The following ZDHHC14 variants were observed in gnomAD, a reference collection of about 807,000 sequenced individuals.
ZDHHC14 encodes zDHHC palmitoyltransferase 14, also known as palmitoyltransferase ZDHHC14.
In ZDHHC14, 16 loss-of-function variants were observed where a neutral mutation model predicts 47.7. That is an observed-to-expected ratio of 0.34 (90% CI 0.23 to 0.51). The LOEUF is 0.51. ZDHHC14 is among the 20% of genes least tolerant of loss of function. The pLI is 0.97. For synonymous variants in ZDHHC14, 293 were observed against 278.9 expected (o/e 1.05, Z -0.50); for missense variants, 515 against 662.5 (o/e 0.78, Z 2.44).
chr6:157,477,918 C>T (rs111465608), intron 1 of ZDHHC14, among the ~76,000 whole-genome samples: 9 of 152,250 alleles, frequency 5.9e-5, no homozygotes, highest in African/African-American at 2.2e-4. Flanking sequence ...GTATGAACGA[C>T]GTTAACTTTC....
intron 1 of ZDHHC14, among the ~76,000 whole-genome samples, chr6:157,418,080 A>G (rs1451375971): frequency 6.6e-6 from 1 of 152,196 alleles, no homozygotes; most frequent in Non-Finnish European, 1.5e-5. Flanking sequence ...ACATGGTCCC[A>G]GGATGGCTGC....
chr6:157,460,405 G>GAA (rs1164382844), intron 1 of ZDHHC14, among the ~76,000 whole-genome samples: 639 of 43,386 alleles, frequency 0.015, 69 homozygotes, highest in East Asian at 0.073. Context: ...TCTCTCTCTG[G>GAA]AAAAAAAAAA....
intron 7 of ZDHHC14, among the ~76,000 whole-genome samples, chr6:157,648,248 C>T (rs1389167009): frequency 6.6e-6 from 1 of 152,108 alleles, no homozygotes; most frequent in Non-Finnish European, 1.5e-5. Context: ...AATGAGTTTC[C>T]AAGTTATTAC....
chr6:157,677,414 C>G lies in ZDHHC14; in HGVS notation c.*4292C>G, dbSNP rs1309203388. On this transcript the variant is annotated 3_prime_UTR_variant, in exon 9 of 9. Coordinates refer to ENST00000359775, the MANE Select transcript of ZDHHC14 (RefSeq NM_024630.3). ...ATCAGTAAATCCTCTGTCCATCTGCCCATTGTCCATGGTCCTGATAATAGA... is the reference window on the plus strand; with the variant it reads ...ATCAGTAAATCCTCTGTCCATCTGCGCATTGTCCATGGTCCTGATAATAGA... 1 of 151,806 alleles carries G rather than the reference C, an allele frequency of 6.6e-6. No homozygotes were observed. Among genetic ancestry groups the G allele is most frequent in the Non-Finnish European group, 1.5e-5 (1 of 67,986 alleles). The allele number at this position is 151,806 out of a possible 1,614,324, so 9.4% of individuals were successfully genotyped here.
At chr6:157,615,717 C>G (rs1186577886) in intron 3 of ZDHHC14, among the ~76,000 whole-genome samples, 2 of 152,192 alleles carry the variant, frequency 1.3e-5, no homozygotes, top group Non-Finnish European at 2.9e-5. Flanking sequence ...GCATCGCACC[C>G]TAGGAACTTC....
chr6:157,425,125 C>T (rs1778191149), intron 1 of ZDHHC14, among the ~76,000 whole-genome samples: 1 of 152,184 alleles, frequency 6.6e-6, no homozygotes, highest in Non-Finnish European at 1.5e-5. Flanking sequence ...GAATGGACAT[C>T]AAGTTTTCTG....
intron 3 of ZDHHC14, among the ~76,000 whole-genome samples, chr6:157,598,398 C>G (rs17447588): frequency 0.66 from 100,532 of 152,042 alleles, 34,490 homozygotes; most frequent in African/African-American, 0.85. Context: ...CTGGTTTCCG[C>G]TATCTCTTCA....
At chr6:157,579,206 T>G (rs866106163) in intron 2 of ZDHHC14, among the ~76,000 whole-genome samples, 2,707 of 136,356 alleles carry the variant, frequency 0.02, 144 homozygotes, top group African/African-American at 0.071. Flanking sequence ...TTTTTTTTTT[T>G]TTTTTTTTTT....
At chr6:157,490,714 G>T (rs559085351) in intron 1 of ZDHHC14, among the ~76,000 whole-genome samples, 1 of 152,104 alleles carries the variant, frequency 6.6e-6, no homozygotes, top group East Asian at 1.9e-4. Flanking sequence ...GACAAGGAGC[G>T]TAAGGCCAGT....
At chr6:157,611,030 TG>T (rs1784731260) in intron 3 of ZDHHC14, among the ~76,000 whole-genome samples, 1 of 152,218 alleles carries the variant, frequency 6.6e-6, no homozygotes, top group South Asian at 2.1e-4. Context: ...GTTTTTGTTT[TG>T]TTTTTTGAGA....
chr6:157,607,065 C>G (rs1417495975), intron 3 of ZDHHC14, among the ~76,000 whole-genome samples: 1 of 152,136 alleles, frequency 6.6e-6, no homozygotes, highest in African/African-American at 2.4e-5. Flanking sequence ...ATGTATTTTT[C>G]TATATCACGA....
chr6:157,535,117 C>T (rs1487728226), intron 1 of ZDHHC14, among the ~76,000 whole-genome samples: 1 of 152,134 alleles, frequency 6.6e-6, no homozygotes, highest in African/African-American at 2.4e-5. Context: ...CTAACTCTGT[C>T]TTGCATGCTT....
intron 1 of ZDHHC14, among the ~76,000 whole-genome samples, chr6:157,486,613 GGA>G (rs1189407194): frequency 6.6e-6 from 1 of 152,154 alleles, no homozygotes; most frequent in Non-Finnish European, 1.5e-5. Context: ...GCTGAGACAG[GGA>G]GAGAGAGAAT....
intron 2 of ZDHHC14, among the ~76,000 whole-genome samples, chr6:157,558,426 G>A (rs1034321402): frequency 2.0e-5 from 3 of 152,158 alleles, no homozygotes; most frequent in South Asian, 2.1e-4. Flanking sequence ...CAGGTAGGCC[G>A]TTCAGTGACA....
intron 1 of ZDHHC14, among the ~76,000 whole-genome samples, chr6:157,483,522 A>C (rs1206864520): frequency 6.6e-6 from 1 of 152,232 alleles, no homozygotes; most frequent in Non-Finnish European, 1.5e-5. Context: ...GGAAAATGGC[A>C]AAGTGAACTT....
chr6:157,463,290 A>G lies in ZDHHC14; in HGVS notation c.246-79295A>G, dbSNP rs546983493. Among the ~76,000 whole-genome samples, 3 of 152,350 alleles carry G rather than the reference A, an allele frequency of 2.0e-5. No individual in the cohort carries two copies. The highest frequency in any genetic ancestry group is 7.2e-5 in the African/African-American group (3 of 41,574). The stretch of plus-strand genomic sequence containing the variant: ...ACAATTGAAATTGGTTTTTCAATAG[A>G]AACAATTGAATAGTCCAGATTCATT... On this transcript the variant is annotated intron_variant, in intron 1 of 8. Transcript: ENST00000359775. This position sits in a 1 kb window ranked among gnomAD's most constrained non-coding sequence, Gnocchi z 4.4.
chr6:157,494,330 TC>T (rs961989283), intron 1 of ZDHHC14, among the ~76,000 whole-genome samples: 52 of 152,202 alleles, frequency 3.4e-4, no homozygotes, highest in African/African-American at 1.2e-3. Flanking sequence ...CCTCCGACCT[TC>T]CCCTGCACCC....
chr6:157,669,528 C>G (rs1778700602), intron 8 of ZDHHC14, among the ~76,000 whole-genome samples: 1 of 152,224 alleles, frequency 6.6e-6, no homozygotes, highest in South Asian at 2.1e-4. Context: ...CAGCTCCACC[C>G]TCGAACATAT....
At chr6:157,597,936 C>G (rs2114901830) in intron 3 of ZDHHC14, among the ~76,000 whole-genome samples, 1 of 152,356 alleles carries the variant, frequency 6.6e-6, no homozygotes, top group African/African-American at 2.4e-5. Context: ...CTTTCCCCTG[C>G]CTCTTTTAAA....
Sources: allele counts gnomAD v4.1 joint callset (sites outside exome capture counted in the v4.1 genomes callset), GRCh38; gene constraint gnomAD v4.1.1; non-coding constraint Gnocchi (gnomAD v3.1); transcripts MANE v1.5; gene names NCBI Gene and HGNC (gene_info 2026-07-23, HGNC 2026-07-21).